STEAP1B: variants seen among roughly 807,000 people sequenced by gnomAD.
STEAP1B encodes STEAP family member 1B.
Under a neutral mutation model 27.9 loss-of-function variants are expected in STEAP1B, and 13 were observed. The observed-to-expected ratio is 0.47, with a 90% CI of 0.30 to 0.74. The LOEUF is 0.74. STEAP1B is among the 30% of genes least tolerant of loss of function. The pLI, the probability that STEAP1B is intolerant of heterozygous loss-of-function variation, is 0.06. For missense variants in STEAP1B, 250 were observed against 298.7 expected (o/e 0.84, Z 1.20); for synonymous variants, 86 against 107.1 (o/e 0.80, Z 1.22).
At chr7:22,486,541 A>C (rs1786212821) in intron 4 of STEAP1B, among the ~76,000 whole-genome samples, 1 of 151,714 alleles carries the variant, frequency 6.6e-6, no homozygotes. Flanking sequence ...TCCAGGCCTC[A>C]CCCACTCACT....
At chr7:22,467,677 T>A (rs1340153366) in intron 4 of STEAP1B, among the ~76,000 whole-genome samples, 4 of 152,182 alleles carry the variant, frequency 2.6e-5, no homozygotes, top group Non-Finnish European at 5.9e-5. Flanking sequence ...ACTCTTCTCT[T>A]GTCTGCTGCC....
intron 4 of STEAP1B, among the ~76,000 whole-genome samples, chr7:22,430,671 G>A (rs1427892362): frequency 6.6e-6 from 1 of 152,142 alleles, no homozygotes; most frequent in Non-Finnish European, 1.5e-5. Flanking sequence ...ACAGCCCCAT[G>A]GTTTTACCTC....
At chr7:22,432,848 G>C (rs1377722549) in intron 4 of STEAP1B, among the ~76,000 whole-genome samples, 2 of 152,160 alleles carry the variant, frequency 1.3e-5, no homozygotes, top group East Asian at 3.8e-4. Flanking sequence ...GGATTACATA[G>C]GTAAGCAATA....
chr7:22,447,861 A>G (rs918512250), intron 4 of STEAP1B, among the ~76,000 whole-genome samples: 1 of 152,234 alleles, frequency 6.6e-6, no homozygotes, highest in African/African-American at 2.4e-5. Context: ...ATTTACATGC[A>G]TGACCTCATC....
chr7:22,482,220 C>G (rs1419940113), intron 4 of STEAP1B, among the ~76,000 whole-genome samples: 1 of 152,200 alleles, frequency 6.6e-6, no homozygotes, highest in African/African-American at 2.4e-5. Flanking sequence ...TTCCCAGAAG[C>G]AGAGCTTGAG....
At chr7:22,450,280 GT>G (rs1416470922) in intron 4 of STEAP1B, among the ~76,000 whole-genome samples, 2 of 152,184 alleles carry the variant, frequency 1.3e-5, no homozygotes, top group Non-Finnish European at 2.9e-5. Context: ...TTTCTTCAAT[GT>G]TTCTTTGTAG....
At chr7:22,475,869 A>C (rs73083202) in intron 4 of STEAP1B, among the ~76,000 whole-genome samples, 13,383 of 152,278 alleles carry the variant, frequency 0.088, 683 homozygotes, top group Non-Finnish European at 0.12. Flanking sequence ...AAGGGTGCTA[A>C]GTGAAAATGC....
chr7:22,436,468 A>C (rs972555916), intron 4 of STEAP1B, among the ~76,000 whole-genome samples: 5 of 152,004 alleles, frequency 3.3e-5, no homozygotes, highest in African/African-American at 1.2e-4. Flanking sequence ...ATATAGGTAA[A>C]CTTGTTATGC....
At chr7:22,426,487 A>G (rs1785108756) in intron 4 of STEAP1B, among the ~76,000 whole-genome samples, 1 of 152,232 alleles carries the variant, frequency 6.6e-6, no homozygotes, top group Non-Finnish European at 1.5e-5. Flanking sequence ...CAAAAGGCAG[A>G]CACTCCCTTT....
intron 4 of STEAP1B, among the ~76,000 whole-genome samples, chr7:22,451,806 T>C (rs749365194): frequency 1.1e-4 from 16 of 152,362 alleles, no homozygotes; most frequent in East Asian, 3.9e-4. Flanking sequence ...TTGAGGATTT[T>C]TGCAGCAATA....
intron 4 of STEAP1B, among the ~76,000 whole-genome samples, chr7:22,460,543 A>G (rs1785660899): frequency 6.6e-6 from 1 of 152,152 alleles, no homozygotes; most frequent in South Asian, 2.1e-4. Context: ...GGAGCGGGCC[A>G]TCAGGCCTGG....
At chr7:22,479,313 G>C (rs7787212) in intron 4 of STEAP1B, among the ~76,000 whole-genome samples, 16,092 of 152,198 alleles carry the variant, frequency 0.11, 916 homozygotes, top group Non-Finnish European at 0.13. Flanking sequence ...AGGAGGCAGT[G>C]CATTTGCCCA....
intron 4 of STEAP1B, among the ~76,000 whole-genome samples, chr7:22,436,705 C>T (rs192125995): frequency 1.9e-4 from 29 of 152,254 alleles, no homozygotes; most frequent in African/African-American, 6.5e-4. Context: ...CCATTCATGT[C>T]CCTGTAAAGG....
chr7:22,463,692 A>G (rs1471545361), intron 4 of STEAP1B, among the ~76,000 whole-genome samples: 1 of 152,154 alleles, frequency 6.6e-6, no homozygotes, highest in Admixed American at 6.5e-5. Context: ...CCTGAGAAAA[A>G]CAAGCAATGG....
intron 4 of STEAP1B, among the ~76,000 whole-genome samples, chr7:22,434,749 A>T (rs1785233778): frequency 6.6e-6 from 1 of 152,266 alleles, no homozygotes; most frequent in Admixed American, 6.5e-5. Flanking sequence ...ATACTTAAAC[A>T]AATGATTATA....
At chr7:22,484,767 T>A (rs878894932) in intron 4 of STEAP1B, among the ~76,000 whole-genome samples, 1 of 152,206 alleles carries the variant, frequency 6.6e-6, no homozygotes, top group Admixed American at 6.5e-5. Flanking sequence ...TTAGATGCCA[T>A]TAAAAATATT....
intron 1 of STEAP1B, among the ~76,000 whole-genome samples, chr7:22,497,878 C>A (rs1468944312): frequency 6.6e-6 from 1 of 152,168 alleles, no homozygotes; most frequent in African/African-American, 2.4e-5. Flanking sequence ...TACATTATTG[C>A]AGTGGTCCCC....
intron 4 of STEAP1B, among the ~76,000 whole-genome samples, chr7:22,490,475 C>T (rs191685491): frequency 2.6e-5 from 4 of 152,260 alleles, no homozygotes; most frequent in Admixed American, 6.5e-5. Context: ...CCTTTTGAAA[C>T]CTTTCCTGAG....
intron 4 of STEAP1B, among the ~76,000 whole-genome samples, chr7:22,452,839 AG>A (rs1329359985): frequency 6.6e-6 from 1 of 152,214 alleles, no homozygotes; most frequent in Non-Finnish European, 1.5e-5. Context: ...AAGAACAACC[AG>A]GATTTCTAAG....
Sources: allele counts gnomAD v4.1 joint callset (sites outside exome capture counted in the v4.1 genomes callset), GRCh38; gene constraint gnomAD v4.1.1; transcripts MANE v1.5; gene names NCBI Gene and HGNC (gene_info 2026-07-23, HGNC 2026-07-21).